The following PAQR5 variants were observed in gnomAD, a reference collection of about 807,000 sequenced individuals.
PAQR5 encodes the protein membrane progestin receptor gamma.
A neutral mutation model predicts 34.5 loss-of-function variants in PAQR5; 20 were observed. That is an observed-to-expected ratio of 0.58 (90% CI 0.41 to 0.84). The LOEUF (loss-of-function observed/expected upper bound fraction) is 0.84, where lower values mean the gene tolerates loss of function less well. Among genes scored for constraint, PAQR5 ranks in the 40% least tolerant of loss-of-function variants. The pLI is 0.00. For synonymous variants in PAQR5, 131 were observed against 155.6 expected (o/e 0.84, Z 1.18); for missense variants, 378 against 412.7 (o/e 0.92, Z 0.73).
rs2056750704 is a variant in PAQR5, at chr15:69,406,446, G to C, written c.*2624G>C. 1 of 152,164 alleles carries C rather than the reference G, an allele frequency of 6.6e-6. No individual in the cohort carries two copies. Among genetic ancestry groups the C allele is most frequent in the Non-Finnish European group, 1.5e-5 (1 of 68,050 alleles). 9.4% of individuals were successfully genotyped at this position (152,164 alleles called of 1,614,324 possible). On this transcript the variant is annotated 3_prime_UTR_variant, in exon 9 of 9. Transcript: ENST00000395407. ...TTCTAAAGAAATGAATTTGTGGCTG[G>C]TCTGAAGGTAGTGAGTTAGCTCAAT...
At position 69,389,693 on chromosome 15, in the gene PAQR5, C is replaced by A. The variant is rs377446823; in HGVS notation, c.425C>A (p.Ala142Glu). ...IAYSAYTFPDALMCTTFHDYY... is the reference protein window; with the variant it reads ...IAYSAYTFPDELMCTTFHDYY... The stretch of plus-strand genomic sequence containing the variant: ...TACTCTGCATACACGTTCCCGGATG[C>A]GCTCATGTGCACCACTTTCCATGAC... The change falls in exon 6 of 9, where the codon GCG (alanine) becomes GAG (glutamate). Residue 142 changes from alanine to glutamate, a missense_variant. Physicochemically the swap from Ala to Glu is moderately radical, Grantham distance 107. Coordinates refer to ENST00000395407, the MANE Select transcript of PAQR5 (RefSeq NM_017705.4). 1.9e-6 allele frequency: 3 copies of A among 1,614,168 alleles called. No individual in the cohort carries two copies. The highest frequency in any genetic ancestry group is 2.2e-5 in the East Asian group (1 of 44,878).
intron 2 of PAQR5, among the ~76,000 whole-genome samples, chr15:69,341,873 G>T: frequency 6.6e-6 from 1 of 151,060 alleles, no homozygotes; most frequent in African/African-American, 2.4e-5. Flanking sequence ...AATCCCAGGA[G>T]GTCAAGTCTG....
intron 3 of PAQR5, among the ~76,000 whole-genome samples, chr15:69,371,170 C>T (rs1029426697): frequency 6.6e-6 from 1 of 152,082 alleles, no homozygotes; most frequent in African/African-American, 2.4e-5. Context: ...AAATTAATTT[C>T]ATTTAGGAGA....
chr15:69,366,152 T>G (rs750220282), intron 3 of PAQR5, among the ~76,000 whole-genome samples: 1 of 152,220 alleles, frequency 6.6e-6, no homozygotes, highest in African/African-American at 2.4e-5. Flanking sequence ...TAACCTACTT[T>G]CTGTCTGTAT....
At chr15:69,300,231 T>G (rs1251015220) in intron 1 of PAQR5, among the ~76,000 whole-genome samples, 3 of 152,136 alleles carry the variant, frequency 2.0e-5, no homozygotes, top group Non-Finnish European at 4.4e-5. Flanking sequence ...AGTAAGGTCC[T>G]CCAAGAGCCA....
Position 69,397,465 on chromosome 15 carries a change from T to C in PAQR5, c.513-3T>C, listed in dbSNP as rs201971648. The C allele has an allele frequency of 1.9e-6, 3 of 1,606,304 alleles. No homozygotes were observed. In the Admixed American group the frequency reaches 5.0e-5, roughly 27 times the overall value. ...TCCTCCCCACTTTCCTTCCCTGATT[T>C]AGGTTTCTTGAAATCCAGAAGCCCA... On this transcript the variant is annotated splice_polypyrimidine_tract_variant and splice_region_variant and intron_variant, in intron 6 of 8. Transcript: ENST00000395407.
At chr15:69,387,251 A>G (rs1471067634) in intron 5 of PAQR5, among the ~76,000 whole-genome samples, 1 of 152,168 alleles carries the variant, frequency 6.6e-6, no homozygotes, top group Non-Finnish European at 1.5e-5. Flanking sequence ...ACTTGTTTTG[A>G]TAAGTGTGGG....
At chr15:69,398,849 G>C (rs544001377) in intron 7 of PAQR5, among the ~76,000 whole-genome samples, 1 of 152,340 alleles carries the variant, frequency 6.6e-6, no homozygotes, top group South Asian at 2.1e-4. Flanking sequence ...GCAGAGGGAA[G>C]GGGAGGTCCA....
At chr15:69,338,664 G>T (rs1232958991) in intron 2 of PAQR5, among the ~76,000 whole-genome samples, 1 of 152,156 alleles carries the variant, frequency 6.6e-6, no homozygotes, top group Non-Finnish European at 1.5e-5. Flanking sequence ...AGATTAAGGT[G>T]TTACAAAATC....
intron 1 of PAQR5, among the ~76,000 whole-genome samples, chr15:69,301,499 A>G (rs1033724323): frequency 2.0e-5 from 3 of 152,144 alleles, no homozygotes; most frequent in Non-Finnish European, 4.4e-5. Flanking sequence ...GGAAACTTTA[A>G]TCTTCATTGT....
chr15:69,406,940 A>T lies in PAQR5; in HGVS notation c.*3118A>T, dbSNP rs1054134930. The T allele has an allele frequency of 8.5e-5, 13 of 152,082 alleles. No homozygotes were observed. Among genetic ancestry groups the T allele is most frequent in the Admixed American group, 8.5e-4 (13 of 15,272 alleles). The allele number at this position is 152,082 out of a possible 1,614,324, so 9.4% of individuals were successfully genotyped here. A position where few individuals can be genotyped will look rare whatever the true frequency, so the allele number is the denominator to read the frequency against. On this transcript the variant is annotated 3_prime_UTR_variant, in exon 9 of 9. Coordinates refer to ENST00000395407, the MANE Select transcript of PAQR5 (RefSeq NM_017705.4). ...GGAAATTTAGAGGTCTTCTGAGTAT[A>T]AAGTGGTTTAAATATTTGGTCTGCT...
chr15:69,389,776 T>A lies in PAQR5; in HGVS notation c.508T>A (p.Ser170Thr). The A allele has an allele frequency of 6.2e-7, 1 of 1,613,920 alleles. No individual in the cohort carries two copies. Among genetic ancestry groups the A allele is most frequent in the Non-Finnish European group, 8.5e-7 (1 of 1,179,882 alleles). Residue 170 changes from serine (S) to threonine (T), a missense_variant, in exon 6 of 9, where the codon TCC (serine) becomes ACC (threonine). Physicochemically the swap from Ser to Thr is moderately conservative, Grantham distance 58 (BLOSUM62 1). Coordinates refer to ENST00000395407, the MANE Select transcript of PAQR5 (RefSeq NM_017705.4). Reference sequence around the variant, plus strand: ...CCTCAGCACAGGCCTCTCCTGCTACTCCAGGTACTGGTCGCTCTGACCTCA... The same window carrying A: ...CCTCAGCACAGGCCTCTCCTGCTACACCAGGTACTGGTCGCTCTGACCTCA... Reference protein sequence around the residue: ...TILSTGLSCYSRFLEIQKPRL... With the variant: ...TILSTGLSCYTRFLEIQKPRL...
Position 69,303,751 on chromosome 15 carries a change from G to A in PAQR5, c.-277+4695G>A, listed in dbSNP as rs562064741. ...GAAATGCAGCCAGAGGCCCAGGGAAGCCTTGGGGTTCTGAGGCCTCACTTG... is the reference window on the plus strand; with the variant it reads ...GAAATGCAGCCAGAGGCCCAGGGAAACCTTGGGGTTCTGAGGCCTCACTTG... On this transcript the variant is annotated intron_variant, in intron 1 of 8. Coordinates refer to ENST00000395407, the MANE Select transcript of PAQR5 (RefSeq NM_017705.4). 2.6e-3 allele frequency among the ~76,000 whole-genome samples: 401 copies of A among 152,274 alleles called. 2 individuals carry two copies. Among genetic ancestry groups the A allele is most frequent in the African/African-American group, 9.1e-3 (377 of 41,566 alleles).
chr15:69,348,274 G>T (rs1419438958), intron 2 of PAQR5, among the ~76,000 whole-genome samples: 1 of 152,200 alleles, frequency 6.6e-6, no homozygotes, highest in Non-Finnish European at 1.5e-5. Flanking sequence ...ATTTACATGG[G>T]TTATGTCTCT....
intron 2 of PAQR5, among the ~76,000 whole-genome samples, chr15:69,348,478 G>A (rs1291701809): frequency 1.3e-5 from 2 of 152,300 alleles, no homozygotes; most frequent in East Asian, 1.9e-4. Context: ...TGGCTGAGGT[G>A]AGGGTGAATG....
At chr15:69,367,363 C>T (rs141753730) in intron 3 of PAQR5, among the ~76,000 whole-genome samples, 7 of 152,208 alleles carry the variant, frequency 4.6e-5, no homozygotes, top group African/African-American at 1.4e-4. Flanking sequence ...TTAGTGGTCA[C>T]TTCAGCTATT....
intron 2 of PAQR5, among the ~76,000 whole-genome samples, chr15:69,355,164 C>A (rs1231266567): frequency 3.3e-5 from 5 of 150,090 alleles, no homozygotes; most frequent in Non-Finnish European, 7.4e-5. Flanking sequence ...CCCTGTCACC[C>A]ATCTCTCTCT....
rs201375546 is a variant in PAQR5 at position 69,390,344 on chromosome 15, A to ATTTT, written c.512+567_512+568insTTTT. Among the ~76,000 whole-genome samples, 1,167 of 118,924 alleles carry ATTTT rather than the reference A, an allele frequency of 9.8e-3. 27 individuals are homozygous for ATTTT. Among genetic ancestry groups the ATTTT allele is most frequent in the Non-Finnish European group, 0.016 (826 of 53,210 alleles). 78.0% of individuals were successfully genotyped at this position (118,924 alleles called of 152,430 possible). On this transcript the variant is annotated intron_variant, in intron 6 of 8. Coordinates refer to ENST00000395407, the MANE Select transcript of PAQR5 (RefSeq NM_017705.4). ...TTTTTATTTATTTATTTATTTATTT[A>ATTTT]TTTATTTATTTATTTATTTTTTTGA...
chr15:69,317,538 C>T (rs2053982884), intron 1 of PAQR5, among the ~76,000 whole-genome samples: 1 of 152,188 alleles, frequency 6.6e-6, no homozygotes, highest in Non-Finnish European at 1.5e-5. Context: ...CCATTTTCCC[C>T]TCACCTGTGA....
Sources: allele counts gnomAD v4.1 joint callset (sites outside exome capture counted in the v4.1 genomes callset), GRCh38; gene constraint gnomAD v4.1.1; transcripts MANE v1.5; gene names NCBI Gene and HGNC (gene_info 2026-07-23, HGNC 2026-07-21).